The following INO80 variants were observed in gnomAD, a reference collection of about 807,000 sequenced individuals.
The protein encoded by INO80 is INO80 complex ATPase subunit, also known as chromatin-remodeling ATPase INO80.
A neutral mutation model predicts 203.4 loss-of-function variants in INO80; 20 were observed. That is an observed-to-expected ratio of 0.10 (90% CI 0.07 to 0.14). The LOEUF is 0.14. Among genes scored for constraint, INO80 ranks in the 10% least tolerant of loss-of-function variants. The pLI, the probability that INO80 is intolerant of heterozygous loss-of-function variation, is 1.00. For synonymous variants in INO80, 726 were observed against 685.2 expected (o/e 1.06, Z -0.93); for missense variants, 1,419 against 1,914.4 (o/e 0.74, Z 4.83).
intron 1 of INO80, among the ~76,000 whole-genome samples, chr15:41,106,584 T>A (rs1014456477): frequency 1.3e-5 from 2 of 151,644 alleles, no homozygotes; most frequent in African/African-American, 4.8e-5. Flanking sequence ...GCAGTGAGCA[T>A]GCCATTGCAC....
At position 40,983,083 on chromosome 15, in the gene INO80, G is replaced by A. The variant is rs539136401; in HGVS notation, c.4238-6C>T. ...CATTTCCTGAATGGAAATTCCTGTGGGAACAAATGGGCCAAAAGGGAAAGA... is the reference window on the plus strand; with the variant it reads ...CATTTCCTGAATGGAAATTCCTGTGAGAACAAATGGGCCAAAAGGGAAAGA... On this transcript the variant is annotated splice_region_variant and splice_polypyrimidine_tract_variant and intron_variant, in intron 34 of 35. Coordinates refer to ENST00000648947, the MANE Select transcript of INO80 (RefSeq NM_017553.3). 4 of 1,608,966 alleles carry A rather than the reference G, an allele frequency of 2.5e-6. No individual in the cohort carries two copies. Among genetic ancestry groups the A allele is most frequent in the Admixed American group, 3.3e-5 (2 of 59,870 alleles).
At chr15:41,016,392 G>A (rs1238213827) in intron 26 of INO80, among the ~76,000 whole-genome samples, 177 bp from the exon 27 acceptor site, 1 of 152,194 alleles carries the variant, frequency 6.6e-6, no homozygotes, top group Non-Finnish European at 1.5e-5. Flanking sequence ...CTCCAGGAGT[G>A]CCCTGGGAAA....
At chr15:40,988,830 CA>C (rs1192158912) in intron 29 of INO80, among the ~76,000 whole-genome samples, 1 of 152,222 alleles carries the variant, frequency 6.6e-6, no homozygotes, top group African/African-American at 2.4e-5. Context: ...GCCTGGCTAA[CA>C]TGGTGAAACC....
intron 14 of INO80, among the ~76,000 whole-genome samples, chr15:41,064,205 T>A (rs1236359443): frequency 6.6e-6 from 1 of 152,176 alleles, no homozygotes; most frequent in Non-Finnish European, 1.5e-5. Context: ...AATTTTCCAA[T>A]ACACAAAGGA....
At chr15:41,038,506 T>C (rs935657034) in intron 24 of INO80, among the ~76,000 whole-genome samples, 1 of 152,192 alleles carries the variant, frequency 6.6e-6, no homozygotes, top group African/African-American at 2.4e-5. Flanking sequence ...TTTTAATCTG[T>C]ACTCACAATC....
At chr15:41,077,462 G>A (rs2045423034) in intron 9 of INO80, among the ~76,000 whole-genome samples, 1 of 151,640 alleles carries the variant, frequency 6.6e-6, no homozygotes, top group Non-Finnish European at 1.5e-5. Flanking sequence ...ACTTGAGCCA[G>A]ATCCAAAATA....
intron 24 of INO80, among the ~76,000 whole-genome samples, chr15:41,037,026 C>T (rs892325018): frequency 1.3e-5 from 2 of 152,004 alleles, no homozygotes; most frequent in Non-Finnish European, 2.9e-5. Flanking sequence ...TCGCTCAAAC[C>T]CGGGAGGTGG....
chr15:41,042,657 A>G (rs1357860669), intron 24 of INO80, among the ~76,000 whole-genome samples: 1 of 151,854 alleles, frequency 6.6e-6, no homozygotes, highest in Non-Finnish European at 1.5e-5. Flanking sequence ...TATTTTTAGT[A>G]GATGTGGGGT....
intron 29 of INO80, among the ~76,000 whole-genome samples, chr15:40,995,403 A>C (rs2043868471): frequency 6.6e-6 from 1 of 152,212 alleles, no homozygotes; most frequent in Non-Finnish European, 1.5e-5. Context: ...TGTTCAGGGA[A>C]CTAGAAGTCA....
chr15:41,052,798 G>A (rs2044902459), intron 19 of INO80, among the ~76,000 whole-genome samples: 1 of 149,318 alleles, frequency 6.7e-6, no homozygotes, highest in African/African-American at 2.5e-5. Context: ...GCCCAGGCGG[G>A]TGAATCCTTT....
At chr15:41,100,830 C>CT (rs1190451283) in intron 1 of INO80, among the ~76,000 whole-genome samples, 2,105 of 138,044 alleles carry the variant, frequency 0.015, 39 homozygotes, top group African/African-American at 0.043. Flanking sequence ...ACAATTTTTT[C>CT]TTTTTTTTTT....
At chr15:41,053,243 C>T (rs1481849898) in intron 19 of INO80, among the ~76,000 whole-genome samples, 2 of 152,104 alleles carry the variant, frequency 1.3e-5, no homozygotes, top group Non-Finnish European at 2.9e-5. Context: ...GTAACTGGGA[C>T]TACAGGCGCC....
chr15:40,993,412 A>C (rs1329420591), intron 29 of INO80, among the ~76,000 whole-genome samples: 1 of 152,196 alleles, frequency 6.6e-6, no homozygotes, highest in Non-Finnish European at 1.5e-5. Context: ...AGACCTTCCC[A>C]GGTGACCTCA....
At position 41,050,068 on chromosome 15, in the gene INO80, C is replaced by T. The variant is rs1466180067; in HGVS notation, c.2309G>A (p.Arg770Gln). The T allele has an allele frequency of 1.2e-6, 2 of 1,613,356 alleles. No individual in the cohort carries two copies. The highest frequency in any genetic ancestry group is 1.7e-5 in the Admixed American group (1 of 59,962). ...TAGTGCCTGATATAGCAGCTTCTGT[C>T]GGCTGGTCAGTTGGCAATACATTAG... The part of the protein sequence containing the change: ...EILMYCQLTS[R>Q]QKLLYQALKN... Residue 770 changes from arginine (R) to glutamine (Q), a missense_variant, in exon 20 of 36, where the codon CGA becomes CAA. Arg to Gln is a conservative substitution (Grantham distance 43). This residue lies in a region of INO80 where 192 missense variants were observed against 406.7 expected (regional missense o/e 0.47). Transcript: ENST00000648947.
At chr15:40,996,745 A>G (rs180837124) in intron 29 of INO80, among the ~76,000 whole-genome samples, 1 of 152,304 alleles carries the variant, frequency 6.6e-6, no homozygotes, top group African/African-American at 2.4e-5. Context: ...TACCCTTTTC[A>G]TTGCTCTCCA....
At chr15:41,066,846 C>CAAAAAAAAAAAAAAAAAAA (rs58118605) in intron 14 of INO80, among the ~76,000 whole-genome samples, 7 of 70,558 alleles carry the variant, frequency 9.9e-5, no homozygotes, top group African/African-American at 2.1e-4. Context: ...AAAAAAAAAG[C>CAAAAAAAAAAAAAAAAAAA]AAAAAAAAAA....
At position 41,080,472 on chromosome 15, in the gene INO80, C is replaced by A. The variant is rs575335114; in HGVS notation, c.927+548G>T. On this transcript the variant is annotated intron_variant, in intron 8 of 35. Coordinates refer to ENST00000648947, the MANE Select transcript of INO80 (RefSeq NM_017553.3). ...AGACGAGACTGAAGACAGGAAGATT[C>A]CATGATCTGCTCAAGAAATCAGGGT... Among the ~76,000 whole-genome samples, 6 of 152,254 alleles carry A rather than the reference C, an allele frequency of 3.9e-5. No homozygotes were observed. In the East Asian group the frequency reaches 1.2e-3, roughly 29 times the overall value.
intron 24 of INO80, 133 bp downstream of exon 24, chr15:41,044,771 T>A (rs1339799630): frequency 3.0e-6 from 2 of 672,654 alleles, no homozygotes; most frequent in Non-Finnish European, 5.0e-6. Context: ...GAACTCAATA[T>A]GCTGCACCGC....
intron 1 of INO80, among the ~76,000 whole-genome samples, chr15:41,111,085 T>C (rs981843671): frequency 1.3e-5 from 2 of 152,350 alleles, no homozygotes; most frequent in East Asian, 3.9e-4. Context: ...TGGTTCCTTT[T>C]ACTTACTGAA....
Sources: gnomAD v4.1 joint callset for allele counts (sites outside exome capture counted in the v4.1 genomes callset) on GRCh38, gnomAD v4.1.1 for gene constraint, gnomAD v4.1.1 regional missense constraint, MANE v1.5 for transcripts, NCBI Gene and HGNC (gene_info 2026-07-23, HGNC 2026-07-21) for gene names.